NAV2: variants seen among roughly 807,000 people sequenced by gnomAD.
NAV2 encodes neuron navigator 2.
A neutral mutation model predicts 223.2 loss-of-function variants in NAV2; 54 were observed. That is an observed-to-expected ratio of 0.24 (90% CI 0.19 to 0.30). The LOEUF (loss-of-function observed/expected upper bound fraction) is 0.30, where lower values mean the gene tolerates loss of function less well. NAV2 is among the 10% of genes least tolerant of loss of function. The pLI, the probability that NAV2 is intolerant of heterozygous loss-of-function variation, is 1.00. For synonymous variants in NAV2, 1,279 were observed against 1,239.3 expected (o/e 1.03, Z -0.67); for missense variants, 2,806 against 3,147.5 (o/e 0.89, Z 2.60).
rs532050047 is a variant in NAV2 at position 19,569,195 on chromosome 11, T to A, written c.75+218168T>A. On this transcript the variant is annotated intron_variant, in intron 1 of 37. Coordinates refer to the NAV2 transcript ENST00000360655. ...AATTAGCAAATACACCTGCAAGATGTCAAGGAGCTGTATCCCTCCCTGCCC... is the reference window on the plus strand; with the variant it reads ...AATTAGCAAATACACCTGCAAGATGACAAGGAGCTGTATCCCTCCCTGCCC... 2.0e-5 allele frequency among the ~76,000 whole-genome samples: 3 copies of A among 152,370 alleles called. No individual in the cohort carries two copies. In the East Asian group the frequency reaches 5.8e-4, roughly 29 times the overall value.
intron 11 of NAV2, among the ~76,000 whole-genome samples, chr11:19,985,740 C>A (rs2050739375): frequency 6.6e-6 from 1 of 151,998 alleles, no homozygotes; most frequent in Non-Finnish European, 1.5e-5. Flanking sequence ...GCATGCCCAG[C>A]TAATTTTGAA....
intron 1 of NAV2, among the ~76,000 whole-genome samples, chr11:19,659,687 T>C (rs1248131738): frequency 6.6e-6 from 1 of 152,060 alleles, no homozygotes; most frequent in East Asian, 1.9e-4. Context: ...CTCAAGATGA[T>C]TCATTAGTCT....
rs111471831 is a variant in NAV2, at chr11:19,517,343, C to A, written c.75+166316C>A. On this transcript the variant is annotated intron_variant, in intron 1 of 37. Coordinates refer to the NAV2 transcript ENST00000360655. ...CTTTCTGCTTCTGATTCTGAACTCT[C>A]ACACATCCTTGAGTGGAATCACCAA... 4.3e-3 allele frequency among the ~76,000 whole-genome samples: 648 copies of A among 152,322 alleles called. 7 individuals are homozygous for A. The highest frequency in any genetic ancestry group is 0.015 in the African/African-American group (618 of 41,552).
chr11:20,009,117 C>A (rs1424090223), intron 11 of NAV2, among the ~76,000 whole-genome samples: 1 of 152,038 alleles, frequency 6.6e-6, no homozygotes, highest in Non-Finnish European at 1.5e-5. Flanking sequence ...TGGTCTGTAA[C>A]GGGGAGAGAT....
intron 6 of NAV2, among the ~76,000 whole-genome samples, chr11:19,929,693 A>G (rs980459040): frequency 2.6e-5 from 4 of 152,196 alleles, no homozygotes; most frequent in Admixed American, 6.5e-5. Flanking sequence ...ATAAAACCCT[A>G]AAGACTCATC....
chr11:19,864,443 G>T (rs1239008336), intron 3 of NAV2, among the ~76,000 whole-genome samples: 1 of 152,204 alleles, frequency 6.6e-6, no homozygotes, highest in Non-Finnish European at 1.5e-5. Flanking sequence ...CAGTGCTTCC[G>T]AGGTTTGCAT....
At chr11:19,381,220 C>T in intron 1 of NAV2, among the ~76,000 whole-genome samples, 1 of 152,184 alleles carries the variant, frequency 6.6e-6, no homozygotes, top group East Asian at 1.9e-4. Flanking sequence ...ACAGTTATCA[C>T]TCTATACCTT....
chr11:20,029,079 C>CGGCAGCTTTTACTGA (rs1591735303), intron 11 of NAV2, among the ~76,000 whole-genome samples: 1 of 152,292 alleles, frequency 6.6e-6, no homozygotes, highest in South Asian at 2.1e-4. Flanking sequence ...GTTACCTGTT[C>CGGCAGCTTTTACTGA]GGCAGCTTTT....
At chr11:20,005,834 T>C (rs1031245669) in intron 11 of NAV2, among the ~76,000 whole-genome samples, 11 of 152,084 alleles carry the variant, frequency 7.2e-5, no homozygotes, top group African/African-American at 2.7e-4. Flanking sequence ...AGAATAATAG[T>C]AGAAGTAGTA....
chr11:19,450,941 T>C (rs1433597598), intron 1 of NAV2, among the ~76,000 whole-genome samples: 3 of 151,860 alleles, frequency 2.0e-5, no homozygotes, highest in Non-Finnish European at 4.4e-5. Flanking sequence ...GAGGTGGAGG[T>C]GTGTAGCAGC....
intron 11 of NAV2, among the ~76,000 whole-genome samples, chr11:19,991,737 T>C (rs1265004791): frequency 6.6e-6 from 1 of 152,206 alleles, no homozygotes; most frequent in East Asian, 1.9e-4. Flanking sequence ...TAATTCAGCA[T>C]TGAGCTTCCT....
At chr11:19,469,937 A>G (rs1249411062) in intron 1 of NAV2, among the ~76,000 whole-genome samples, 2 of 152,246 alleles carry the variant, frequency 1.3e-5, no homozygotes, top group African/African-American at 2.4e-5. Context: ...GTGCCTTTTC[A>G]TTAACACTAA....
In NAV2 at chr11:19,998,645, C is replaced by T. The variant is rs561554204; in HGVS notation, c.2768+14398C>T. 2.6e-5 allele frequency among the ~76,000 whole-genome samples: 4 copies of T among 152,164 alleles called. No homozygotes were observed. The highest frequency in any genetic ancestry group is 2.1e-4 in the South Asian group (1 of 4,806). The stretch of plus-strand genomic sequence containing the variant: ...CCTTCATCCATTCCCCTGGACGTGC[C>T]GGATCTTCTCTTTCGTCAGAAGCTT... On this transcript the variant is annotated intron_variant, in intron 11 of 37. Transcript: ENST00000349880. This position sits in a 1 kb window ranked among gnomAD's most constrained non-coding sequence, Gnocchi z 5.0.
chr11:19,784,073 C>G (rs2056935944), intron 1 of NAV2, among the ~76,000 whole-genome samples: 1 of 151,952 alleles, frequency 6.6e-6, no homozygotes, highest in Non-Finnish European at 1.5e-5. Context: ...GTGGAGGTTA[C>G]CTTTAATGTA....
chr11:19,654,611 T>C (rs1370796854), intron 1 of NAV2, among the ~76,000 whole-genome samples: 2 of 152,216 alleles, frequency 1.3e-5, no homozygotes, highest in Non-Finnish European at 2.9e-5. Context: ...ATCTGAACTT[T>C]GACAAACCTG....
intron 1 of NAV2, among the ~76,000 whole-genome samples, chr11:19,638,242 A>C (rs1211979362): frequency 1.3e-5 from 2 of 152,226 alleles, no homozygotes; most frequent in East Asian, 3.8e-4. Flanking sequence ...GATACTGGGA[A>C]GTTTGCTACT....
chr11:19,520,809 C>T (rs985870270), intron 1 of NAV2, among the ~76,000 whole-genome samples: 2 of 152,240 alleles, frequency 1.3e-5, no homozygotes, highest in Non-Finnish European at 2.9e-5. Context: ...CTCTGCTGGT[C>T]TCAGTCCCAA....
At chr11:19,428,573 A>G (rs1007647852) in intron 1 of NAV2, among the ~76,000 whole-genome samples, 1 of 152,220 alleles carries the variant, frequency 6.6e-6, no homozygotes, top group African/African-American at 2.4e-5. Flanking sequence ...TCTTCCTTCT[A>G]AGTCTTTTGA....
chr11:19,463,131 G>A (rs909627962), intron 1 of NAV2, among the ~76,000 whole-genome samples: 1 of 152,144 alleles, frequency 6.6e-6, no homozygotes, highest in African/African-American at 2.4e-5. Flanking sequence ...TTTTATATAA[G>A]ACTCCAAATA....
Sources: allele counts gnomAD v4.1 joint callset (sites outside exome capture counted in the v4.1 genomes callset), GRCh38; gene constraint gnomAD v4.1.1; non-coding constraint Gnocchi (gnomAD v3.1); transcripts MANE v1.5; gene names NCBI Gene and HGNC (gene_info 2026-07-23, HGNC 2026-07-21).